The following KALRN variants were observed in gnomAD, a reference collection of about 807,000 sequenced individuals.
KALRN encodes the protein kalirin RhoGEF kinase, also known as kalirin.
In KALRN, 70 loss-of-function variants were observed where a neutral mutation model predicts 353.7. The ratio of observed to expected loss-of-function variants is 0.20; its 90% CI spans 0.16 to 0.24. The LOEUF is 0.24. KALRN is among the 10% of genes least tolerant of loss of function. The pLI, the probability that KALRN is intolerant of heterozygous loss-of-function variation, is 1.00. For synonymous variants in KALRN, 1,391 were observed against 1,434.8 expected (o/e 0.97, Z 0.69); for missense variants, 2,791 against 3,756.7 (o/e 0.74, Z 6.72).
In KALRN at chr3:124,721,313, C is replaced by A. The variant is rs2063351598; in HGVS notation, c.*1843C>A. On this transcript the variant is annotated 3_prime_UTR_variant, in exon 60 of 60. Transcript: ENST00000682506. ...AGCACTTAGTATTTTTGGGATTAAC[C>A]AAATATATGGAAACCGACTCCGACT... The A allele has an allele frequency of 6.6e-6, 1 of 151,950 alleles. No homozygotes were observed. Among genetic ancestry groups the A allele is most frequent in the Admixed American group, 6.6e-5 (1 of 15,236 alleles). 9.4% of individuals were successfully genotyped at this position (151,950 alleles called of 1,614,324 possible). A position where few individuals can be genotyped will look rare whatever the true frequency, so the allele number is the denominator to read the frequency against.
chr3:124,704,868 G>A lies in KALRN; in HGVS notation c.8075+2752G>A, dbSNP rs530200289. ...CCAGGCCCAAATAATACATGGAGAT[G>A]TTAATGTGAGACACAGGAAAGATAT... is the stretch of plus-strand genomic sequence containing the variant. On this transcript the variant is annotated intron_variant, in intron 57 of 59. Coordinates refer to ENST00000682506, the MANE Select transcript of KALRN (RefSeq NM_001388419.1). 6.6e-5 allele frequency among the ~76,000 whole-genome samples: 10 copies of A among 152,312 alleles called. No homozygotes were observed. The East Asian group carries it at 1.2e-3, about 18-fold the overall frequency.
intron 6 of KALRN, among the ~76,000 whole-genome samples, chr3:124,308,076 A>G (rs1444751): frequency 0.048 from 7,260 of 152,102 alleles, 770 homozygotes; most frequent in East Asian, 0.47. Flanking sequence ...AAAGATAAAA[A>G]GCAACTTTTT....
Position 124,471,256 on chromosome 3 carries a change from T to TTTATTATTA in KALRN, c.4032-3371_4032-3363dup, listed in dbSNP as rs139584790. On this transcript the variant is annotated intron_variant, in intron 25 of 59. Coordinates refer to ENST00000682506, the MANE Select transcript of KALRN (RefSeq NM_001388419.1). ...ATCCTTACAAGCACCCCCACAAAGTTTTATTATTATTATTATTATTATTAT... is the reference window on the plus strand; with the variant it reads ...ATCCTTACAAGCACCCCCACAAAGTTTTATTATTATTATTATTATTATTATTATTATTAT... 8.7e-3 allele frequency among the ~76,000 whole-genome samples: 1,205 copies of TTTATTATTA among 138,806 alleles called. 7 individuals carry two copies. Among genetic ancestry groups the TTTATTATTA allele is most frequent in the Middle Eastern group, 0.023 (6 of 262 alleles). The allele number at this position is 138,806 out of a possible 152,430, so 91.1% of individuals were successfully genotyped here. A position where few individuals can be genotyped will look rare whatever the true frequency, so the allele number is the denominator to read the frequency against.
chr3:124,400,894 A>G (rs562787215), intron 13 of KALRN, among the ~76,000 whole-genome samples: 2 of 152,258 alleles, frequency 1.3e-5, no homozygotes, highest in South Asian at 2.1e-4. Context: ...GCTTCAAAAC[A>G]TGCTTAAGGG....
At chr3:124,412,473 G>T (rs2092246279) in intron 13 of KALRN, among the ~76,000 whole-genome samples, 1 of 152,186 alleles carries the variant, frequency 6.6e-6, no homozygotes, top group African/African-American at 2.4e-5. Flanking sequence ...TAGCAGATCT[G>T]AAAATCACTT....
chr3:124,615,936 C>T (rs1450551190), intron 34 of KALRN, among the ~76,000 whole-genome samples: 1 of 152,152 alleles, frequency 6.6e-6, no homozygotes, highest in Non-Finnish European at 1.5e-5. Context: ...GAAGAAAACC[C>T]ACTTGGCACA....
At position 124,448,543 on chromosome 3, in the gene KALRN, T is replaced by C. The variant is rs537093049; in HGVS notation, c.3552+1658T>C. 9.2e-5 allele frequency among the ~76,000 whole-genome samples: 14 copies of C among 152,318 alleles called. No individual in the cohort carries two copies. The East Asian group carries it at 2.5e-3, about 27-fold the overall frequency. ...GATACATCATATTCTTTTTTGTCTATGTGCCTTTTTTCATACATTTCTCTG... is the reference window on the plus strand; with the variant it reads ...GATACATCATATTCTTTTTTGTCTACGTGCCTTTTTTCATACATTTCTCTG... On this transcript the variant is annotated intron_variant, in intron 21 of 59. Transcript: ENST00000682506.
chr3:124,262,052 G>T (rs2072949881), intron 3 of KALRN, among the ~76,000 whole-genome samples: 1 of 152,118 alleles, frequency 6.6e-6, no homozygotes, highest in African/African-American at 2.4e-5. Flanking sequence ...AACGGGCAAA[G>T]ATTTTAAAAA....
chr3:124,205,611 G>A (rs762227531), intron 1 of KALRN, among the ~76,000 whole-genome samples: 17 of 152,212 alleles, frequency 1.1e-4, no homozygotes, highest in Non-Finnish European at 2.5e-4. Context: ...GTAGAAGATA[G>A]CGGGAGAGTT....
At chr3:124,452,578 C>G (rs1457349370) in intron 21 of KALRN, among the ~76,000 whole-genome samples, 1 of 152,134 alleles carries the variant, frequency 6.6e-6, no homozygotes, top group Non-Finnish European at 1.5e-5. Flanking sequence ...GTAGGAACCA[C>G]TCATCACAGC....
At position 124,589,177 on chromosome 3, in the gene KALRN, G is replaced by A. The variant is rs116523684; in HGVS notation, c.5182+26088G>A. ...TCAGCCAGAAACCTTATGACTTGACGTAAATATCTCTTCCTTGGTCCTTAA... is the reference window on the plus strand; with the variant it reads ...TCAGCCAGAAACCTTATGACTTGACATAAATATCTCTTCCTTGGTCCTTAA... On this transcript the variant is annotated intron_variant, in intron 34 of 59. Coordinates refer to ENST00000682506, the MANE Select transcript of KALRN (RefSeq NM_001388419.1). 2.4e-3 allele frequency among the ~76,000 whole-genome samples: 360 copies of A among 152,300 alleles called. 5 individuals carry two copies. The highest frequency in any genetic ancestry group is 8.3e-3 in the African/African-American group (345 of 41,556).
intron 1 of KALRN, among the ~76,000 whole-genome samples, chr3:124,108,614 G>C (rs2062547035): frequency 1.3e-5 from 2 of 152,158 alleles, no homozygotes; most frequent in South Asian, 4.1e-4. Context: ...CCAATATACT[G>C]TTTACTTCCT....
intron 6 of KALRN, among the ~76,000 whole-genome samples, chr3:124,301,539 T>G (rs979134961): frequency 2.3e-4 from 35 of 152,154 alleles, no homozygotes; most frequent in African/African-American, 7.7e-4. Flanking sequence ...TCAAATTGCT[T>G]GCCCGCCTGT....
At chr3:124,579,502 G>A (rs1382153549) in intron 34 of KALRN, among the ~76,000 whole-genome samples, 2 of 152,138 alleles carry the variant, frequency 1.3e-5, no homozygotes, top group Non-Finnish European at 2.9e-5. Context: ...GGAGTGGGTG[G>A]GTAGGTATGT....
chr3:124,323,344 G>C (rs1318142487), intron 6 of KALRN, among the ~76,000 whole-genome samples: 5 of 151,812 alleles, frequency 3.3e-5, no homozygotes, highest in African/African-American at 9.7e-5. Flanking sequence ...GCTTCATTTT[G>C]CCTTAAATTA....
chr3:124,318,484 G>A (rs1019801540), intron 6 of KALRN, among the ~76,000 whole-genome samples: 2 of 152,156 alleles, frequency 1.3e-5, no homozygotes, highest in Admixed American at 6.5e-5. Context: ...AGGTTTACAT[G>A]GTAATGTTAA....
chr3:124,710,950 C>T (rs1040094999), intron 57 of KALRN, among the ~76,000 whole-genome samples: 1 of 152,190 alleles, frequency 6.6e-6, no homozygotes, highest in Non-Finnish European at 1.5e-5. Context: ...CTATCCTCAG[C>T]ATTCAATTGT....
intron 34 of KALRN, among the ~76,000 whole-genome samples, chr3:124,582,405 C>A (rs2074721493): frequency 6.6e-6 from 1 of 152,128 alleles, no homozygotes; most frequent in Non-Finnish European, 1.5e-5. Flanking sequence ...TTGACAGTGA[C>A]GTTCTTATGT....
chr3:124,285,378 G>A lies in KALRN; in HGVS notation c.970-13413G>A, dbSNP rs2075733618. Reference sequence around the variant, plus strand: ...ACAGGACAGTCAGTAGCCACATCTGGCTAATTAAATTTAGTGGGTATAGTA... The same window carrying A: ...ACAGGACAGTCAGTAGCCACATCTGACTAATTAAATTTAGTGGGTATAGTA... On this transcript the variant is annotated intron_variant, in intron 5 of 59. Coordinates refer to ENST00000682506, the MANE Select transcript of KALRN (RefSeq NM_001388419.1). Among the ~76,000 whole-genome samples, 4 of 152,058 alleles carry A rather than the reference G, an allele frequency of 2.6e-5. No individual in the cohort carries two copies. In the South Asian group the frequency reaches 8.3e-4, roughly 32 times the overall value.
Sources: allele counts gnomAD v4.1 joint callset (sites outside exome capture counted in the v4.1 genomes callset), GRCh38; gene constraint gnomAD v4.1.1; transcripts MANE v1.5; gene names NCBI Gene and HGNC (gene_info 2026-07-23, HGNC 2026-07-21).